The following XKR6 variants were observed in gnomAD, a reference collection of about 807,000 sequenced individuals.
XKR6 encodes the protein XK related 6.
XKR6 carries 22 observed loss-of-function variants against 56.7 expected under a neutral mutation model. The ratio of observed to expected loss-of-function variants is 0.39; its 90% CI spans 0.28 to 0.55. The LOEUF (loss-of-function observed/expected upper bound fraction) is 0.55, where lower values mean the gene tolerates loss of function less well. Among genes scored for constraint, XKR6 ranks in the 20% least tolerant of loss-of-function variants. XKR6 has a pLI of 0.66. For missense variants in XKR6, 852 were observed against 889.0 expected (o/e 0.96, Z 0.53); for synonymous variants, 524 against 387.8 (o/e 1.35, Z -4.13).
At chr8:11,192,802 G>C (rs557996011) in intron 1 of XKR6, among the ~76,000 whole-genome samples, 1 of 152,144 alleles carries the variant, frequency 6.6e-6, no homozygotes, top group Non-Finnish European at 1.5e-5. Context: ...TAATGGCCCC[G>C]TGGGCTCTCC....
At position 11,117,037 on chromosome 8, in the gene XKR6, T is replaced by A. The variant is rs112886076; in HGVS notation, c.764+83539A>T. ...TACACTGTCTCCCATTTAATAGGATTGATGAATTCTAGTGAGTTAGTTACA... is the reference window on the plus strand; with the variant it reads ...TACACTGTCTCCCATTTAATAGGATAGATGAATTCTAGTGAGTTAGTTACA... On this transcript the variant is annotated intron_variant, in intron 1 of 2. Transcript: ENST00000416569. Among the ~76,000 whole-genome samples, 944 of 152,348 alleles carry A rather than the reference T, an allele frequency of 6.2e-3. 9 individuals are homozygous for A. Among genetic ancestry groups the A allele is most frequent in the African/African-American group, 0.02 (819 of 41,578 alleles).
chr8:11,018,830 C>T (rs1445756452), intron 1 of XKR6, among the ~76,000 whole-genome samples: 2 of 152,160 alleles, frequency 1.3e-5, no homozygotes, highest in Non-Finnish European at 2.9e-5. Flanking sequence ...TCCTTTCTAC[C>T]TAGCGACCTG....
At chr8:10,973,624 G>T (rs1802469734) in intron 1 of XKR6, among the ~76,000 whole-genome samples, 1 of 151,976 alleles carries the variant, frequency 6.6e-6, no homozygotes, top group African/African-American at 2.4e-5. Flanking sequence ...CTGTTGCCCA[G>T]GCCGGAGTGC....
intron 1 of XKR6, among the ~76,000 whole-genome samples, chr8:10,980,507 C>G (rs1372058272): frequency 6.6e-6 from 1 of 152,192 alleles, no homozygotes; most frequent in East Asian, 1.9e-4. Context: ...GTTTCCTTAA[C>G]AGCAGGAACG....
At chr8:10,910,770 C>T (rs2129110116) in intron 2 of XKR6, among the ~76,000 whole-genome samples, 2 of 152,330 alleles carry the variant, frequency 1.3e-5, no homozygotes, top group Non-Finnish European at 2.9e-5. Flanking sequence ...TTTTAAGATT[C>T]TGTCAGGGAT....
At position 10,942,979 on chromosome 8, in the gene XKR6, G is replaced by A. The variant is rs575305062; in HGVS notation, c.765-18149C>T. On this transcript the variant is annotated intron_variant, in intron 1 of 2. Coordinates refer to ENST00000416569, the MANE Select transcript of XKR6 (RefSeq NM_173683.4). ...AGGATCTAGGGCCAGGTGGCCACAT[G>A]CAGTGGCTGCAGGAGAAAATGGCTC... is the stretch of plus-strand genomic sequence containing the variant. Among the ~76,000 whole-genome samples, 84 of 152,334 alleles carry A rather than the reference G, an allele frequency of 5.5e-4. 2 individuals carry two copies. The South Asian group carries it at 0.017, about 31-fold the overall frequency.
At chr8:11,008,418 CTTTTTT>C (rs35571220) in intron 1 of XKR6, among the ~76,000 whole-genome samples, 2 of 104,142 alleles carry the variant, frequency 1.9e-5, no homozygotes, top group African/African-American at 3.9e-5. Flanking sequence ...GCTCCCCAGG[CTTTTTT>C]TTTTTTTTTT....
At chr8:10,981,026 G>A (rs77415669) in intron 1 of XKR6, among the ~76,000 whole-genome samples, 6,942 of 152,112 alleles carry the variant, frequency 0.046, 240 homozygotes, top group Non-Finnish European at 0.07. Flanking sequence ...TGTTTGAAGG[G>A]TCAAAATACC....
chr8:11,108,061 G>C, intron 1 of XKR6: 1 of 325,622 alleles, frequency 3.1e-6, no homozygotes, highest in South Asian at 2.4e-5. Flanking sequence ...GAAAGTTCCA[G>C]TGAACGATGT....
intron 1 of XKR6, among the ~76,000 whole-genome samples, chr8:10,935,789 T>G (rs1306581439): frequency 1.5e-5 from 2 of 134,722 alleles, no homozygotes; most frequent in Non-Finnish European, 3.2e-5. Flanking sequence ...TTCTGTTCTT[T>G]TACATTTGCT....
intron 1 of XKR6, among the ~76,000 whole-genome samples, chr8:11,149,152 CAT>C (rs1261169065): frequency 1.3e-5 from 2 of 152,148 alleles, no homozygotes; most frequent in Non-Finnish European, 2.9e-5. Flanking sequence ...GAGGTACAGT[CAT>C]GTGTCACTTA....
In XKR6 at chr8:10,897,718, T is replaced by C. The variant is rs1410596755; in HGVS notation, c.*234A>G. On this transcript the variant is annotated 3_prime_UTR_variant, in exon 3 of 3. Coordinates refer to ENST00000416569, the MANE Select transcript of XKR6 (RefSeq NM_173683.4). ...AGAAAGGTTTTCTTTTTGTTTTTAC[T>C]TACAAAACATAGAGAATATCTTTGT... The C allele has an allele frequency of 2.3e-6, 1 of 440,698 alleles. No homozygotes were observed. The highest frequency in any genetic ancestry group is 3.8e-6 in the Non-Finnish European group (1 of 260,062). The allele number at this position is 440,698 out of a possible 1,614,324, so 27.3% of individuals were successfully genotyped here. A position where few individuals can be genotyped will look rare whatever the true frequency, so the allele number is the denominator to read the frequency against.
intron 1 of XKR6, chr8:11,136,815 T>C (rs1239286436): frequency 3.3e-5 from 5 of 152,218 alleles, no homozygotes; most frequent in Non-Finnish European, 7.3e-5. Context: ...CAGGCAATGA[T>C]ATTTCTGTTA....
At chr8:11,174,985 G>A (rs1453492211) in intron 1 of XKR6, 1 of 152,160 alleles carries the variant, frequency 6.6e-6, no homozygotes, top group East Asian at 1.9e-4. Context: ...TAAAATCACA[G>A]GGGAGAGGAA....
intron 1 of XKR6, chr8:11,128,802 C>G (rs1799955720): frequency 2.2e-6 from 1 of 456,398 alleles, no homozygotes; most frequent in Admixed American, 2.4e-5. Context: ...CAAATTAGCT[C>G]AACCTTCAAA....
chr8:10,984,241 T>C (rs556147747), intron 1 of XKR6, among the ~76,000 whole-genome samples: 4 of 152,334 alleles, frequency 2.6e-5, no homozygotes, highest in African/African-American at 9.6e-5. Context: ...TGAAAAAGCA[T>C]TTTCTAAAAT....
chr8:10,974,773 G>A (rs1164157848), intron 1 of XKR6, among the ~76,000 whole-genome samples: 1 of 152,182 alleles, frequency 6.6e-6, no homozygotes, highest in Non-Finnish European at 1.5e-5. Context: ...GGCAAGTAGT[G>A]AAGGAAGCGC....
intron 1 of XKR6, among the ~76,000 whole-genome samples, chr8:11,089,459 C>A (rs573219099): frequency 3.9e-5 from 6 of 152,158 alleles, no homozygotes; most frequent in Admixed American, 2.6e-4. Flanking sequence ...AGCAAGACCC[C>A]ACCTCTACAA....
chr8:10,954,866 C>CTCTTTTTTTTTT (rs1563309729), intron 1 of XKR6, among the ~76,000 whole-genome samples: 7 of 92,800 alleles, frequency 7.5e-5, no homozygotes, highest in East Asian at 2.7e-4. Flanking sequence ...ACTTCATTCT[C>CTCTTTTTTTTTT]TTTTTTTTTT....
Sources: gnomAD v4.1 joint callset for allele counts (sites outside exome capture counted in the v4.1 genomes callset) on GRCh38, gnomAD v4.1.1 for gene constraint, MANE v1.5 for transcripts, NCBI Gene and HGNC (gene_info 2026-07-23, HGNC 2026-07-21) for gene names.